Variants in RTN3 observed in about 807,000 individuals in gnomAD.
The protein encoded by RTN3 is reticulon 3.
In RTN3, 49 loss-of-function variants were observed where a neutral mutation model predicts 77.8. That is an observed-to-expected ratio of 0.63 (90% confidence interval 0.50 to 0.80). The LOEUF (loss-of-function observed/expected upper bound fraction) is 0.80, where lower values mean the gene tolerates loss of function less well. RTN3 is among the 30% of genes least tolerant of loss of function. The pLI, the probability that RTN3 is intolerant of heterozygous loss-of-function variation, is 0.00. For missense variants in RTN3, 1,236 were observed against 1,211.9 expected (o/e 1.02, Z -0.29); for synonymous variants, 464 against 446.9 (o/e 1.04, Z -0.48).
chr11:63,757,933 A>G (rs928910333), intron 8 of RTN3, among the ~76,000 whole-genome samples: 7 of 151,656 alleles, frequency 4.6e-5, no homozygotes, highest in African/African-American at 1.7e-4. Context: ...GTTTCACCAC[A>G]TTGGCCAGGC....
chr11:63,734,384 T>C (rs1486459009), intron 3 of RTN3, among the ~76,000 whole-genome samples: 1 of 149,008 alleles, frequency 6.7e-6, no homozygotes, highest in Non-Finnish European at 1.5e-5. Context: ...CAGGCAAAGG[T>C]TGCAGTGAGC....
At chr11:63,755,721 A>G (rs1261439305) in intron 7 of RTN3, among the ~76,000 whole-genome samples, 1 of 141,220 alleles carries the variant, frequency 7.1e-6, no homozygotes, top group Non-Finnish European at 1.5e-5. Context: ...GCACTTTGGG[A>G]GGCCGAGGTG....
chr11:63,681,893 T>C, intron 1 of RTN3, 115 bp downstream of exon 1: 1 of 1,144,248 alleles, frequency 8.7e-7, no homozygotes, highest in Non-Finnish European at 1.2e-6. Context: ...TACTGACGGC[T>C]TCAGCCCCCC....
chr11:63,693,668 G>T (rs778914333), intron 1 of RTN3, among the ~76,000 whole-genome samples: 1 of 152,186 alleles, frequency 6.6e-6, no homozygotes, highest in Non-Finnish European at 1.5e-5. Context: ...GTGCTGAGGA[G>T]AGAGTTTTCC....
intron 2 of RTN3, among the ~76,000 whole-genome samples, chr11:63,707,614 A>G (rs1590811633): frequency 6.6e-6 from 1 of 152,124 alleles, no homozygotes; most frequent in Non-Finnish European, 1.5e-5. Context: ...CAGGCGGATC[A>G]CCTGACGTCA....
chr11:63,744,550 T>C (rs2135025110), intron 3 of RTN3, among the ~76,000 whole-genome samples: 1 of 152,282 alleles, frequency 6.6e-6, no homozygotes, highest in East Asian at 1.9e-4. Flanking sequence ...TTTGTACATC[T>C]AAACATTAAA....
rs371391643 is a variant in RTN3 at position 63,719,497 on chromosome 11, T to C, written c.995T>C (p.Met332Thr). 8 of 1,614,068 alleles carry C rather than the reference T, an allele frequency of 5.0e-6. No homozygotes were observed. The African/African-American group carries it at 8.0e-5, about 16-fold the overall frequency. ...LEEVSRCVND[M>T]HNFTNEILTW... ...GAGGTGTCCAGATGCGTGAATGATA[T>C]GCATAACTTTACTAACGAAATACTG... The change falls in exon 3 of 9, where the codon ATG (methionine) becomes ACG (threonine). Residue 332 changes from methionine to threonine, a missense_variant. By Grantham distance (81) the Met-to-Thr change is moderately conservative (BLOSUM62 -1). Transcript: ENST00000377819.
intron 2 of RTN3, among the ~76,000 whole-genome samples, chr11:63,707,946 A>T (rs1283177627): frequency 1.3e-5 from 2 of 152,246 alleles, no homozygotes; most frequent in Non-Finnish European, 2.9e-5. Context: ...ATGGAAAAGT[A>T]GCCCAGTGGG....
intron 2 of RTN3, among the ~76,000 whole-genome samples, chr11:63,711,258 C>T (rs1244743804): frequency 2.0e-5 from 3 of 151,366 alleles, no homozygotes; most frequent in Non-Finnish European, 2.9e-5. Context: ...CCAGCCTGGT[C>T]GACAGAGTGA....
At chr11:63,687,749 C>T (rs1941448853) in intron 1 of RTN3, among the ~76,000 whole-genome samples, 1 of 152,146 alleles carries the variant, frequency 6.6e-6, no homozygotes, top group Non-Finnish European at 1.5e-5. Flanking sequence ...CCCTTAAATC[C>T]TGACCTTTAT....
At chr11:63,687,127 C>G (rs1434556427) in intron 1 of RTN3, among the ~76,000 whole-genome samples, 2 of 152,198 alleles carry the variant, frequency 1.3e-5, no homozygotes, top group African/African-American at 4.8e-5. Context: ...CTGACATCAT[C>G]TGAGTGTTAC....
intron 3 of RTN3, among the ~76,000 whole-genome samples, chr11:63,727,155 A>C (rs2012343582): frequency 1.3e-5 from 2 of 152,262 alleles, no homozygotes; most frequent in Admixed American, 6.5e-5. Context: ...ATCTTGAAAA[A>C]AAAAGTTTGC....
At chr11:63,725,254 TA>T (rs1471491972) in intron 3 of RTN3, among the ~76,000 whole-genome samples, 2 of 152,320 alleles carry the variant, frequency 1.3e-5, no homozygotes, top group Non-Finnish European at 1.5e-5. Flanking sequence ...GTTTGTTGTA[TA>T]ACGTTTTCCA....
chr11:63,714,645 T>G (rs138325410), intron 2 of RTN3, among the ~76,000 whole-genome samples: 3 of 151,528 alleles, frequency 2.0e-5, no homozygotes, highest in Non-Finnish European at 4.4e-5. Context: ...CCCAAGTGAC[T>G]GGGACTACAG....
At position 63,720,655 on chromosome 11, in the gene RTN3, A is replaced by G. The variant is rs765730100; in HGVS notation, c.2153A>G (p.Asn718Ser). ...TACAGTGAACAAAGCAAAGAAACAA[A>G]TGGAAGTGAGCCTCTAGGTGTTTTC... The part of the protein sequence containing the change: ...SKYSEQSKET[N>S]GSEPLGVFPT... Residue 718 changes from asparagine to serine, a missense_variant, in exon 3 of 9, where the codon AAT becomes AGT. Asn to Ser is a conservative substitution (Grantham distance 46, BLOSUM62 1). This residue lies in a region of RTN3 where 1,056 missense variants were observed against 990.4 expected (regional missense o/e 1.07). Coordinates refer to ENST00000377819, the MANE Select transcript of RTN3 (RefSeq NM_001265589.2). 1 of 1,613,992 alleles carries G rather than the reference A, an allele frequency of 6.2e-7. No individual in the cohort carries two copies. The highest frequency in any genetic ancestry group is 1.7e-5 in the Admixed American group (1 of 59,980).
chr11:63,737,575 A>C (rs1590868063), intron 3 of RTN3, among the ~76,000 whole-genome samples: 1 of 152,210 alleles, frequency 6.6e-6, no homozygotes, highest in East Asian at 1.9e-4. Flanking sequence ...ATGCTACTGC[A>C]CTCCAGCCTG....
In RTN3 at chr11:63,719,794, T is replaced by A. The variant is rs752309704; in HGVS notation, c.1292T>A (p.Phe431Tyr). The part of the protein sequence containing the change: ...VPDSLNSTKE[F>Y]SIKGVQGNMQ... ...GACTCTTTGAATTCCACAAAAGAAT[T>A]CAGTATCAAAGGTGTGCAAGGCAAT... Residue 431 changes from phenylalanine to tyrosine, a missense_variant, in exon 3 of 9, where the codon TTC becomes TAC. Physicochemically the swap from Phe to Tyr is conservative, Grantham distance 22. This residue lies in a region of RTN3 where 1,056 missense variants were observed against 990.4 expected (regional missense o/e 1.07). Transcript: ENST00000377819. 6.2e-7 allele frequency: 1 copy of A among 1,614,044 alleles called. No homozygotes were observed. The highest frequency in any genetic ancestry group is 8.5e-7 in the Non-Finnish European group (1 of 1,180,052).
At chr11:63,703,260 C>T (rs1942335409) in intron 1 of RTN3, among the ~76,000 whole-genome samples, 1 of 152,148 alleles carries the variant, frequency 6.6e-6, no homozygotes, top group South Asian at 2.1e-4. Flanking sequence ...ATTTTATACA[C>T]AGGACTTGAG....
intron 2 of RTN3, among the ~76,000 whole-genome samples, chr11:63,709,171 ACTT>A (rs1387623351): frequency 4.6e-5 from 7 of 152,166 alleles, no homozygotes; most frequent in Non-Finnish European, 8.8e-5. Context: ...TAGGGTTTAG[ACTT>A]CTTTTTAGAG....
Sources: gnomAD v4.1 joint callset for allele counts (sites outside exome capture counted in the v4.1 genomes callset) on GRCh38, gnomAD v4.1.1 for gene constraint, gnomAD v4.1.1 regional missense constraint, MANE v1.5 for transcripts, NCBI Gene and HGNC (gene_info 2026-07-23, HGNC 2026-07-21) for gene names.